Variants in ABCF1 observed in about 807,000 individuals in gnomAD.
The protein encoded by ABCF1 is ATP binding cassette subfamily F member 1, also known as ATP-binding cassette sub-family F member 1.
ABCF1 carries 73 observed loss-of-function variants against 126.3 expected under a neutral mutation model. The observed-to-expected ratio is 0.58, with a 90% CI of 0.48 to 0.70. The LOEUF is 0.70. ABCF1 is among the 30% of genes least tolerant of loss of function. The probability of loss-of-function intolerance (pLI) is 0.00; values close to 1 mark genes in which losing one functional copy is unlikely to be tolerated. For synonymous variants in ABCF1, 345 were observed against 396.4 expected, an observed-to-expected ratio of 0.87 and a Z score of 1.54; for missense variants, 786 against 1,057.5, an observed-to-expected ratio of 0.74 and a Z score of 3.56.
rs1247166467 is a variant in ABCF1 at position 30,571,569 on chromosome 6, G to A, written c.73+9G>A. 6.2e-7 allele frequency: 1 copy of A among 1,608,264 alleles called. No individual in the cohort carries two copies. The highest frequency in any genetic ancestry group is 8.5e-7 in the Non-Finnish European group (1 of 1,178,714). ...GAGCACGAGCCCATCAGGTGAGGCT[G>A]GTAGGCAAGGAAGAAACGAGCAGAG... On this transcript the variant is annotated intron_variant, in intron 1 of 24. Transcript: ENST00000326195.
At chr6:30,576,312 G>T (rs1801499525) in intron 1 of ABCF1, among the ~76,000 whole-genome samples, 2 of 83,478 alleles carry the variant, frequency 2.4e-5, no homozygotes, top group East Asian at 5.0e-4. Flanking sequence ...TTTTGAGATA[G>T]AGTCTTGCTC....
rs1177219270 is a variant in ABCF1 at position 30,580,485 on chromosome 6, A to G, written c.644A>G (p.Lys215Arg). The G allele has an allele frequency of 3.3e-6, 5 of 1,528,058 alleles. No homozygotes were observed. The East Asian group carries it at 1.0e-4, about 31-fold the overall frequency. The allele number at this position is 1,528,058 out of a possible 1,614,324, so 94.7% of individuals were successfully genotyped here. ...EEIIKEKEPP[K>R]QGKEKAKKAE... ...ATTATAAAGGAAAAGGAGCCTCCCA[A>G]ACAAGGGAAGGAGAAGGCCAAGAAG... Residue 215 changes from lysine (K) to arginine (R), a missense_variant, in exon 8 of 25, where the codon AAA becomes AGA. Around this residue, in one of 4 missense-constraint regions of ABCF1, gnomAD observed 322 missense variants for 322.9 expected, o/e 1.00. Transcript: ENST00000326195.
chr6:30,578,651 T>C (rs1340657073), intron 6 of ABCF1, 74 bp downstream of exon 6: 2 of 1,267,754 alleles, frequency 1.6e-6, no homozygotes, highest in East Asian at 4.9e-5. Flanking sequence ...AATTTCCCGC[T>C]TTTAAACTAG....
chr6:30,574,417 G>A lies in ABCF1; in HGVS notation c.73+2857G>A, dbSNP rs1332940926. 2.6e-5 allele frequency among the ~76,000 whole-genome samples: 4 copies of A among 152,212 alleles called. No homozygotes were observed. Among genetic ancestry groups the A allele is most frequent in the East Asian group, 1.9e-4 (1 of 5,198 alleles). ...TCCCCAAAATGTTGGGATTACAGGCGTGAGCCAGTGTGCCTGGCCACAAAA... is the reference window on the plus strand; with the variant it reads ...TCCCCAAAATGTTGGGATTACAGGCATGAGCCAGTGTGCCTGGCCACAAAA... On this transcript the variant is annotated intron_variant, in intron 1 of 24. Transcript: ENST00000326195. This position sits in a 1 kb window ranked among gnomAD's most constrained non-coding sequence, Gnocchi z 4.3.
chr6:30,584,241 C>T lies in ABCF1; in HGVS notation c.1152C>T (p.Asp384=), dbSNP rs1453925102. The change falls in exon 13 of 25, where the codon GAC becomes GAT. Residue 384 remains aspartate (D), a synonymous_variant. Coordinates refer to ENST00000326195, the MANE Select transcript of ABCF1 (RefSeq NM_001025091.2). The surrounding 1 kb of genome is among the most constrained non-coding windows in gnomAD (Gnocchi z 4.6). ...CAGTCCAGGCTGTTCTTCGAGCTGACACCAAGCGATTGAAGCTGCTGGAAG... is the reference window on the plus strand; with the variant it reads ...CAGTCCAGGCTGTTCTTCGAGCTGATACCAAGCGATTGAAGCTGCTGGAAG... ...TPAVQAVLRA[D]TKRLKLLEEE... 6 of 1,613,074 alleles carry T rather than the reference C, an allele frequency of 3.7e-6. No homozygotes were observed. In the Admixed American group the frequency reaches 1.0e-4, roughly 27 times the overall value.
chr6:30,589,717 G>T lies in ABCF1; in HGVS notation c.2061G>T (p.Arg687=), dbSNP rs143648554. The T allele has an allele frequency of 4.3e-6, 7 of 1,614,104 alleles. No homozygotes were observed. The highest frequency in any genetic ancestry group is 2.2e-5 in the East Asian group (1 of 44,894). The change falls in exon 21 of 25, where the codon CGG becomes CGT. Residue 687 remains arginine, a synonymous_variant. Transcript: ENST00000326195. ...PTHGEMRKNH[R]LKIGFFNQQY... ...ATGGGGAAATGAGAAAGAACCACCG[G>T]CTGGTAAGTTGGCATTGGGATTTAG...
chr6:30,575,174 A>G lies in ABCF1; in HGVS notation c.74-2235A>G, dbSNP rs1264449. Among the ~76,000 whole-genome samples the G allele has an allele frequency of 7.6e-3, 1,129 of 149,316 alleles. 9 individuals are homozygous for G. Among genetic ancestry groups the G allele is most frequent in the Admixed American group, 1.0e-2 (148 of 14,830 alleles). On this transcript the variant is annotated intron_variant, in intron 1 of 24. Transcript: ENST00000326195. ...AACCTCCACCTCCCAGGTACAAGCG[A>G]TTCTCCTGCCTCAGCTTCCCAAGTA... is the stretch of plus-strand genomic sequence containing the variant.
chr6:30,584,736 T>C lies in ABCF1; in HGVS notation c.1391+170T>C, dbSNP rs1802020953. On this transcript the variant is annotated intron_variant, in intron 14 of 24. Transcript: ENST00000326195. This position sits in a 1 kb window ranked among gnomAD's most constrained non-coding sequence, Gnocchi z 4.6. ...GTCTTTCTCTATTTATCTCCCTACT[T>C]GGTGGTGAGTTCTCATCAACATACC... 6.6e-6 allele frequency among the ~76,000 whole-genome samples: 1 copy of C among 152,168 alleles called. No homozygotes were observed.
chr6:30,579,867 T>C (rs1386258692), intron 6 of ABCF1, 64 bp from the exon 7 acceptor site: 18 of 1,541,210 alleles, frequency 1.2e-5, no homozygotes, highest in Non-Finnish European at 1.5e-5. Flanking sequence ...AAATGCTTAT[T>C]ACACAGCAAA....
rs764940531 is a variant in ABCF1 at position 30,583,842 on chromosome 6, C to T, written c.1054C>T (p.Arg352Ter). The T allele has an allele frequency of 2.5e-6, 4 of 1,614,098 alleles. No homozygotes were observed. The highest frequency in any genetic ancestry group is 1.7e-6 in the Non-Finnish European group (2 of 1,180,012). Residue 352 changes from arginine to a stop codon, truncating the protein, a stop_gained, in exon 12 of 25, where the codon CGA becomes TGA. Coordinates refer to ENST00000326195, the MANE Select transcript of ABCF1 (RefSeq NM_001025091.2). LOFTEE classifies it high-confidence loss of function. This position sits in a 1 kb window ranked among gnomAD's most constrained non-coding sequence, Gnocchi z 4.1. Reference sequence around the variant, plus strand: ...CACACTCCTCAAGCACATTGCCAACCGAGCCCTGAGCATCCCTCCCAACAT... The same window carrying T: ...CACACTCCTCAAGCACATTGCCAACTGAGCCCTGAGCATCCCTCCCAACAT... ...KTTLLKHIAN[R>*]ALSIPPNIDV...
intron 1 of ABCF1, among the ~76,000 whole-genome samples, chr6:30,573,768 T>TA (rs1289748309): frequency 6.6e-6 from 1 of 152,234 alleles, no homozygotes; most frequent in Non-Finnish European, 1.5e-5. Flanking sequence ...TTTGAGGAGC[T>TA]AAGGGTTCAG....
Position 30,586,302 on chromosome 6 carries a change from C to T in ABCF1, c.1882C>T (p.His628Tyr), listed in dbSNP as rs1314181547. ...PPLSPPVLGL[H>Y]GVTFGYQGQK... ...ACTCAGCCCTCCAGTGCTGGGTCTG[C>T]ATGGTGAGTGCCGCGGGCCTCTGCT... Residue 628 changes from histidine (H) to tyrosine (Y), a missense_variant, in exon 18 of 25, where the codon CAT becomes TAT. This residue lies in a region of ABCF1 where 288 missense variants were observed against 423.5 expected (regional missense o/e 0.68). Transcript: ENST00000326195. This position sits in a 1 kb window ranked among gnomAD's most constrained non-coding sequence, Gnocchi z 4.9. 6.2e-7 allele frequency: 1 copy of T among 1,606,168 alleles called. No individual in the cohort carries two copies. Among genetic ancestry groups the T allele is most frequent in the Non-Finnish European group, 8.5e-7 (1 of 1,176,042 alleles).
At chr6:30,582,058 T>A (rs1260658732) in intron 8 of ABCF1, among the ~76,000 whole-genome samples, 1 of 151,376 alleles carries the variant, frequency 6.6e-6, no homozygotes, top group Non-Finnish European at 1.5e-5. Flanking sequence ...TAGTTTTTTT[T>A]TGTTGTTTTT....
At chr6:30,582,570 T>TGCGATTGGGGACAC in intron 9 of ABCF1, 63 bp downstream of exon 9, 2 of 1,552,064 alleles carry the variant, frequency 1.3e-6, no homozygotes, top group South Asian at 2.3e-5. Context: ...CTAGGGGACA[T>TGCGATTGGGGACAC]GCGATTGGGG....
intron 1 of ABCF1, among the ~76,000 whole-genome samples, chr6:30,575,981 G>A (rs778031467): frequency 1.2e-4 from 18 of 151,624 alleles, no homozygotes; most frequent in Middle Eastern, 3.4e-3. Context: ...GGCTAAAGTG[G>A]GAGGATCACC....
intron 6 of ABCF1, among the ~76,000 whole-genome samples, 167 bp from the exon 7 acceptor site, chr6:30,579,764 T>C (rs1801708433): frequency 6.6e-6 from 1 of 152,070 alleles, no homozygotes; most frequent in Non-Finnish European, 1.5e-5. Context: ...CCAAGAACTA[T>C]CATTTTTTAT....
Position 30,591,072 on chromosome 6 carries a change from GC to G in ABCF1, c.*377del. The stretch of plus-strand genomic sequence containing the variant: ...TTACCCTACAGCTTCAGGCCCAGCT[GC>G]CCCCCAGTCTTTGGGTGGTGCTGTT... On this transcript the variant is annotated 3_prime_UTR_variant, in exon 25 of 25. Coordinates refer to ENST00000326195, the MANE Select transcript of ABCF1 (RefSeq NM_001025091.2). The G allele has an allele frequency of 4.6e-6, 1 of 215,556 alleles. No individual in the cohort carries two copies. The allele number at this position is 215,556 out of a possible 1,614,324, so 13.4% of individuals were successfully genotyped here. A position where few individuals can be genotyped will look rare whatever the true frequency, so the allele number is the denominator to read the frequency against.
At position 30,586,182 on chromosome 6, in the gene ABCF1, C is replaced by T. The variant is rs771626632; in HGVS notation, c.1762C>T (p.Arg588Trp). The change falls in exon 18 of 25, where the codon CGG becomes TGG. Residue 588 changes from arginine to tryptophan, a missense_variant. Coordinates refer to ENST00000326195, the MANE Select transcript of ABCF1 (RefSeq NM_001025091.2). The surrounding 1 kb of genome is among the most constrained non-coding windows in gnomAD (Gnocchi z 4.9). ...ALTRKQQKCRRKNQDEESQEA... is the reference protein window; with the variant it reads ...ALTRKQQKCRWKNQDEESQEA... ...GACTCGGAAGCAGCAGAAATGCCGACGGAAAAACCAAGATGAGGAATCCCA... is the reference window on the plus strand; with the variant it reads ...GACTCGGAAGCAGCAGAAATGCCGATGGAAAAACCAAGATGAGGAATCCCA... The T allele has an allele frequency of 1.9e-5, 30 of 1,613,910 alleles. No homozygotes were observed. The highest frequency in any genetic ancestry group is 2.4e-5 in the Non-Finnish European group (28 of 1,179,958).
chr6:30,581,761 A>G (rs1426176313), intron 8 of ABCF1, among the ~76,000 whole-genome samples: 1 of 152,138 alleles, frequency 6.6e-6, no homozygotes, highest in Non-Finnish European at 1.5e-5. Flanking sequence ...CATTTTATAC[A>G]AATGAAACTC....
Sources: allele counts gnomAD v4.1 joint callset (sites outside exome capture counted in the v4.1 genomes callset), GRCh38; gene constraint gnomAD v4.1.1; regional missense constraint gnomAD v4.1.1; non-coding constraint Gnocchi (gnomAD v3.1); transcripts MANE v1.5; gene names NCBI Gene and HGNC (gene_info 2026-07-23, HGNC 2026-07-21).